Variants in SLC2A13 observed in about 807,000 individuals in gnomAD.
SLC2A13 encodes proton myo-inositol cotransporter.
SLC2A13 carries 32 observed loss-of-function variants against 64.4 expected under a neutral mutation model. The observed-to-expected ratio is 0.50, with a 90% CI of 0.37 to 0.67. SLC2A13 has a LOEUF of 0.67. Among genes scored for constraint, SLC2A13 ranks in the 30% least tolerant of loss-of-function variants. SLC2A13 has a pLI of 0.00. For synonymous variants in SLC2A13, 338 were observed against 327.1 expected (o/e 1.03, Z -0.36); for missense variants, 743 against 829.2 (o/e 0.90, Z 1.28).
intron 6 of SLC2A13, among the ~76,000 whole-genome samples, chr12:39,853,607 C>CT (rs748984164): frequency 0.014 from 1,847 of 136,110 alleles, 17 homozygotes; most frequent in African/African-American, 0.038. Context: ...TTCTTTCTTT[C>CT]TTTTTTTTTT....
At chr12:40,081,103 A>G (rs899548864) in intron 1 of SLC2A13, among the ~76,000 whole-genome samples, 1 of 152,078 alleles carries the variant, frequency 6.6e-6, no homozygotes, top group African/African-American at 2.4e-5. Flanking sequence ...TTTGTATATG[A>G]CCTGCCCCTA....
intron 7 of SLC2A13, among the ~76,000 whole-genome samples, chr12:39,813,169 T>G (rs1406018087): frequency 6.6e-6 from 1 of 151,754 alleles, no homozygotes; most frequent in Non-Finnish European, 1.5e-5. Context: ...TGCCCTCCCT[T>G]TAAAACTTCT....
At chr12:39,901,362 G>A (rs558304175) in intron 4 of SLC2A13, among the ~76,000 whole-genome samples, 78 of 151,236 alleles carry the variant, frequency 5.2e-4, no homozygotes, top group African/African-American at 1.9e-3. Context: ...AAACTAAAGA[G>A]CTTCTGCACA....
chr12:39,838,046 AT>A (rs1190850787), intron 6 of SLC2A13, among the ~76,000 whole-genome samples: 1 of 150,708 alleles, frequency 6.6e-6, no homozygotes, highest in Non-Finnish European at 1.5e-5. Flanking sequence ...GCACACATAT[AT>A]TTATTGTGGC....
At chr12:40,031,669 G>GT (rs1421065163) in intron 2 of SLC2A13, among the ~76,000 whole-genome samples, 2 of 152,186 alleles carry the variant, frequency 1.3e-5, no homozygotes, top group Non-Finnish European at 2.9e-5. Context: ...TCAATTCACT[G>GT]TAACGTGTTT....
intron 4 of SLC2A13, among the ~76,000 whole-genome samples, chr12:39,910,049 G>T (rs1220513552): frequency 1.3e-5 from 2 of 151,902 alleles, no homozygotes; most frequent in Non-Finnish European, 2.9e-5. Context: ...AGATACATTA[G>T]TGTTATTTGA....
At chr12:40,005,384 GT>G (rs1423616695) in intron 3 of SLC2A13, among the ~76,000 whole-genome samples, 1 of 152,136 alleles carries the variant, frequency 6.6e-6, no homozygotes, top group East Asian at 1.9e-4. Flanking sequence ...GAGGCTCCTA[GT>G]AATGCTTAAT....
chr12:39,899,256 A>G (rs1945016962), intron 4 of SLC2A13, among the ~76,000 whole-genome samples: 1 of 152,080 alleles, frequency 6.6e-6, no homozygotes, highest in South Asian at 2.1e-4. Flanking sequence ...TAGATTTTCT[A>G]GTTTATTTGC....
intron 3 of SLC2A13, among the ~76,000 whole-genome samples, chr12:40,005,070 T>C (rs1469844592): frequency 6.6e-6 from 1 of 152,124 alleles, no homozygotes; most frequent in Admixed American, 6.5e-5. Flanking sequence ...TGCCTAACCC[T>C]ACCTTATCTG....
chr12:39,897,767 C>A (rs765470375), intron 4 of SLC2A13, among the ~76,000 whole-genome samples: 1 of 152,070 alleles, frequency 6.6e-6, no homozygotes, highest in Non-Finnish European at 1.5e-5. Context: ...TTTAAAAAAT[C>A]ATTTTCCTTC....
At chr12:39,969,518 T>A (rs1282521904) in intron 3 of SLC2A13, among the ~76,000 whole-genome samples, 9 of 152,248 alleles carry the variant, frequency 5.9e-5, no homozygotes, top group East Asian at 1.9e-4. Context: ...GATATCTCAC[T>A]GTGGTTTTGA....
At position 39,764,875 on chromosome 12, in the gene SLC2A13, T is replaced by G; in HGVS notation, c.1446-17A>C. ...TTTTCACACCTGAAAAATAATGCAA[T>G]ATAAGTATTAACTTAATGTTTTTGA... is the stretch of plus-strand genomic sequence containing the variant. On this transcript the variant is annotated splice_polypyrimidine_tract_variant and intron_variant, in intron 7 of 9. Transcript: ENST00000280871. The G allele has an allele frequency of 1.2e-6, 2 of 1,609,002 alleles. No individual in the cohort carries two copies. The highest frequency in any genetic ancestry group is 1.7e-6 in the Non-Finnish European group (2 of 1,177,478).
intron 2 of SLC2A13, among the ~76,000 whole-genome samples, chr12:40,036,471 C>T (rs186856417): frequency 7.5e-4 from 114 of 152,272 alleles, no homozygotes; most frequent in African/African-American, 2.6e-3. Flanking sequence ...ACCCCTTTTC[C>T]AGTCAATCCC....
chr12:39,989,566 G>A (rs938813303), intron 3 of SLC2A13, among the ~76,000 whole-genome samples: 3 of 152,184 alleles, frequency 2.0e-5, no homozygotes, highest in African/African-American at 7.2e-5. Context: ...AAAAATGGAT[G>A]TCTTGCTCTG....
intron 4 of SLC2A13, among the ~76,000 whole-genome samples, chr12:39,921,174 T>G (rs1945609277): frequency 6.6e-6 from 1 of 152,082 alleles, no homozygotes; most frequent in Non-Finnish European, 1.5e-5. Flanking sequence ...GGGGGCAATT[T>G]CTGAGGGTAA....
intron 4 of SLC2A13, among the ~76,000 whole-genome samples, chr12:39,944,856 G>A (rs1946108945): frequency 1.3e-5 from 2 of 152,196 alleles, no homozygotes; most frequent in Non-Finnish European, 2.9e-5. Context: ...GTATTGAAAT[G>A]TGAGGTACTG....
chr12:39,890,614 T>A (rs1449792536), intron 4 of SLC2A13, among the ~76,000 whole-genome samples: 1 of 152,226 alleles, frequency 6.6e-6, no homozygotes, highest in Non-Finnish European at 1.5e-5. Context: ...GGGATTTTTT[T>A]CATTTTTAAG....
At chr12:39,764,369 A>C in intron 9 of SLC2A13, 91 bp downstream of exon 9, 1 of 1,182,212 alleles carries the variant, frequency 8.5e-7, no homozygotes, top group African/African-American at 1.6e-5. Flanking sequence ...AAATATAACC[A>C]CATAGTCTCA....
At chr12:40,012,085 C>T (rs1252799482) in intron 3 of SLC2A13, among the ~76,000 whole-genome samples, 2 of 152,134 alleles carry the variant, frequency 1.3e-5, no homozygotes, top group Non-Finnish European at 2.9e-5. Context: ...AGTTCAACTT[C>T]CTAATTTTTA....
Sources: allele counts gnomAD v4.1 joint callset (sites outside exome capture counted in the v4.1 genomes callset), GRCh38; gene constraint gnomAD v4.1.1; transcripts MANE v1.5; gene names NCBI Gene and HGNC (gene_info 2026-07-23, HGNC 2026-07-21).